Variants in CORO2B observed in about 807,000 individuals in gnomAD.
CORO2B encodes coronin-2B.
A neutral mutation model predicts 58.8 loss-of-function variants in CORO2B; 26 were observed. That is an observed-to-expected ratio of 0.44 (90% CI 0.32 to 0.61). The LOEUF (loss-of-function observed/expected upper bound fraction) is 0.61, where lower values mean the gene tolerates loss of function less well. Among genes scored for constraint, CORO2B ranks in the 20% least tolerant of loss-of-function variants. The pLI, the probability that CORO2B is intolerant of heterozygous loss-of-function variation, is 0.04. For synonymous variants in CORO2B, 242 were observed against 253.8 expected (o/e 0.95, Z 0.44); for missense variants, 460 against 645.1 (o/e 0.71, Z 3.11).
At chr15:68,597,536 G>C (rs1436889431) in intron 1 of CORO2B, among the ~76,000 whole-genome samples, 3 of 151,836 alleles carry the variant, frequency 2.0e-5, no homozygotes, top group Admixed American at 2.0e-4. Context: ...TTGTGCCCCA[G>C]GGCCCATGCT....
At position 68,673,818 on chromosome 15, in the gene CORO2B, C is replaced by T. The variant is rs988980935; in HGVS notation, c.217-21322C>T. Among the ~76,000 whole-genome samples the T allele has an allele frequency of 5.3e-5, 6 of 113,182 alleles. No homozygotes were observed. The Admixed American group carries it at 7.6e-4, about 14-fold the overall frequency. The allele number at this position is 113,182 out of a possible 152,430, so 74.3% of individuals were successfully genotyped here. A position where few individuals can be genotyped will look rare whatever the true frequency, so the allele number is the denominator to read the frequency against. On this transcript the variant is annotated intron_variant, in intron 2 of 11. Transcript: ENST00000261861. ...CGCCACTGCACTCCAGCCTGGGCAACAGAGCGAGACTCCGTCTAAAAAAAA... is the reference window on the plus strand; with the variant it reads ...CGCCACTGCACTCCAGCCTGGGCAATAGAGCGAGACTCCGTCTAAAAAAAA...
chr15:68,618,397 G>C (rs1194691596), intron 1 of CORO2B, among the ~76,000 whole-genome samples: 1 of 152,210 alleles, frequency 6.6e-6, no homozygotes, highest in African/African-American at 2.4e-5. Flanking sequence ...ATTAATTTGG[G>C]AAAATCACAG....
At chr15:68,572,757 C>T in the CORO2B span, among the ~76,000 whole-genome samples, 45 of 152,248 alleles carry the variant, frequency 3.0e-4, no homozygotes, top group African/African-American at 8.7e-4. Context: ...AGATCCTAAA[C>T]GACTGGAAGG....
intron 1 of CORO2B, among the ~76,000 whole-genome samples, chr15:68,604,747 T>C (rs1164143135): frequency 6.6e-6 from 1 of 152,186 alleles, no homozygotes; most frequent in African/African-American, 2.4e-5. Context: ...GTTTACATGG[T>C]TATACTTTTC....
intron 1 of CORO2B, among the ~76,000 whole-genome samples, chr15:68,643,259 G>C (rs1174687665): frequency 2.0e-5 from 3 of 152,104 alleles, no homozygotes; most frequent in Non-Finnish European, 4.4e-5. Flanking sequence ...TTGGGGAAGG[G>C]AGAGCCTTGC....
At chr15:68,701,290 A>G (rs982221544) in intron 3 of CORO2B, among the ~76,000 whole-genome samples, 1 of 150,756 alleles carries the variant, frequency 6.6e-6, no homozygotes, top group Non-Finnish European at 1.5e-5. Flanking sequence ...TCTGCGATCT[A>G]GGACTAGTTT....
chr15:68,546,295 C>T, the CORO2B span, among the ~76,000 whole-genome samples: 1 of 152,154 alleles, frequency 6.6e-6, no homozygotes, highest in Non-Finnish European at 1.5e-5. Context: ...TTTAAGATTC[C>T]ACCATCCAGT....
intron 1 of CORO2B, among the ~76,000 whole-genome samples, chr15:68,635,411 G>T (rs935578518): frequency 1.3e-5 from 2 of 152,196 alleles, no homozygotes; most frequent in African/African-American, 4.8e-5. Context: ...AAGCCCAGTG[G>T]AGCATGGATG....
At chr15:68,552,535 C>A in the CORO2B span, among the ~76,000 whole-genome samples, 5 of 152,094 alleles carry the variant, frequency 3.3e-5, no homozygotes, top group South Asian at 4.1e-4. Flanking sequence ...TCGGTGACAA[C>A]CCCATCAGAG....
intron 7 of CORO2B, 56 bp from the exon 8 acceptor site, chr15:68,715,157 GCC>G: frequency 6.8e-7 from 1 of 1,462,026 alleles, no homozygotes; most frequent in Non-Finnish European, 9.6e-7. Context: ...CTGGGACCAG[GCC>G]CTGCTCTGCC....
intron 2 of CORO2B, among the ~76,000 whole-genome samples, chr15:68,687,001 T>C (rs1267066458): frequency 6.6e-6 from 1 of 152,220 alleles, no homozygotes; most frequent in Non-Finnish European, 1.5e-5. Flanking sequence ...ACTATTGTCT[T>C]CTTCACAGTT....
At chr15:68,575,601 G>T (rs1287493937), upstream of CORO2B, among the ~76,000 whole-genome samples, 3 of 30,072 alleles carry the variant, frequency 1.0e-4, no homozygotes, top group African/African-American at 2.5e-4. Flanking sequence ...CTCCCAAAGT[G>T]CTGGGATTAC....
the CORO2B span, among the ~76,000 whole-genome samples, chr15:68,521,990 G>A: frequency 6.6e-6 from 1 of 152,170 alleles, no homozygotes; most frequent in Non-Finnish European, 1.5e-5. Context: ...AAAATTTTTT[G>A]TAGAGACAAG....
At chr15:68,547,671 C>A in the CORO2B span, among the ~76,000 whole-genome samples, 1 of 152,118 alleles carries the variant, frequency 6.6e-6, no homozygotes, top group Non-Finnish European at 1.5e-5. Context: ...AAATAAAACA[C>A]CTCAGATAAA....
chr15:68,571,521 C>T, the CORO2B span, among the ~76,000 whole-genome samples: 1 of 152,230 alleles, frequency 6.6e-6, no homozygotes, highest in Non-Finnish European at 1.5e-5. Context: ...AGAATCTTCA[C>T]ATGCACAGAT....
At chr15:68,717,304 ACT>A (rs1030248264) in intron 8 of CORO2B, among the ~76,000 whole-genome samples, 4 of 149,540 alleles carry the variant, frequency 2.7e-5, no homozygotes, top group African/African-American at 7.5e-5. Flanking sequence ...ACAGAGCCAG[ACT>A]CTGTCAAAAA....
At chr15:68,538,880 G>T in the CORO2B span, among the ~76,000 whole-genome samples, 1 of 152,180 alleles carries the variant, frequency 6.6e-6, no homozygotes, top group African/African-American at 2.4e-5. Context: ...ATCAGGGAAG[G>T]AGATATGGCC....
upstream of CORO2B, among the ~76,000 whole-genome samples, chr15:68,576,097 G>A (rs1276563769): frequency 6.8e-5 from 9 of 133,044 alleles, no homozygotes; most frequent in African/African-American, 2.6e-4. Flanking sequence ...AAGTTGCAGT[G>A]AGCCAAGACC....
chr15:68,553,984 G>T, the CORO2B span, among the ~76,000 whole-genome samples: 172 of 152,256 alleles, frequency 1.1e-3, no homozygotes, highest in Middle Eastern at 6.8e-3. Context: ...AAGGAGGAAG[G>T]ATTACAGGGG....
Sources: allele counts gnomAD v4.1 joint callset (sites outside exome capture counted in the v4.1 genomes callset), GRCh38; gene constraint gnomAD v4.1.1; transcripts MANE v1.5; gene names NCBI Gene and HGNC (gene_info 2026-07-23, HGNC 2026-07-21).